Variants in CD55 observed in about 807,000 individuals in gnomAD.
The protein encoded by CD55 is complement decay-accelerating factor.
CD55 carries 41 observed loss-of-function variants against 45.8 expected under a neutral mutation model. That is an observed-to-expected ratio of 0.90 (90% CI 0.70 to 1.16). The LOEUF is 1.16. Among genes scored for constraint, CD55 ranks in the 50% most tolerant of loss-of-function variants. The pLI is 0.00. For synonymous variants in CD55, 181 were observed against 181.1 expected (o/e 1.00, Z 0.01); for missense variants, 416 against 469.8 (o/e 0.89, Z 1.06).
intron 9 of CD55, chr1:207,350,257 T>C (rs972066792): frequency 3.1e-6 from 1 of 326,706 alleles, no homozygotes; most frequent in Non-Finnish European, 6.0e-6. Context: ...CTGGATTTGA[T>C]CTGCTAGTAT....
rs2102372579 is a variant in CD55, at chr1:207,322,405, G to A, written c.124G>A (p.Val42Ile). 1.2e-6 allele frequency: 2 copies of A among 1,614,146 alleles called. No individual in the cohort carries two copies. The highest frequency in any genetic ancestry group is 8.5e-7 in the Non-Finnish European group (1 of 1,179,976). Residue 42 changes from valine to isoleucine, a missense_variant, in exon 2 of 10, where the codon GTA becomes ATA. Physicochemically the swap from Val to Ile is conservative, Grantham distance 29. This residue lies in a region of CD55 where 123 missense variants were observed against 105.1 expected (regional missense o/e 1.17). Transcript: ENST00000367064. ...AGGTGACTGTGGCCTTCCCCCAGAT[G>A]TACCTAATGCCCAGCCAGCTTTGGA... ...VWGDCGLPPD[V>I]PNAQPALEGR...
At position 207,360,805 on chromosome 1, in the gene CD55, A is replaced by G. The variant is rs1656272739; in HGVS notation, c.*1195A>G. ...GTGTTAGACTAGACTAAGATGTACT[A>G]GTTGTATAGAATATAACTAGATTTA... On this transcript the variant is annotated 3_prime_UTR_variant, in exon 10 of 10. Coordinates refer to ENST00000367064, the MANE Select transcript of CD55 (RefSeq NM_000574.5). 6.6e-6 allele frequency: 1 copy of G among 152,196 alleles called. No individual in the cohort carries two copies. Among genetic ancestry groups the G allele is most frequent in the Admixed American group, 6.5e-5 (1 of 15,282 alleles). The allele number at this position is 152,196 out of a possible 1,614,324, so 9.4% of individuals were successfully genotyped here. A position where few individuals can be genotyped will look rare whatever the true frequency, so the allele number is the denominator to read the frequency against.
At chr1:207,352,522 C>T (rs1019116393) in intron 9 of CD55, among the ~76,000 whole-genome samples, 4 of 152,004 alleles carry the variant, frequency 2.6e-5, no homozygotes, top group African/African-American at 4.8e-5. Flanking sequence ...TCAAACCAGT[C>T]GGATGTTGGT....
At chr1:207,336,944 T>C (rs2490257) in intron 7 of CD55, 126 bp downstream of exon 7, 1,032,737 of 1,034,194 alleles carry the variant, frequency 1, 515,655 homozygotes, top group Non-Finnish European at 1. Flanking sequence ...ACCAACACCT[T>C]AGAAACCCAC....
At chr1:207,345,995 G>A (rs777330384) in intron 9 of CD55, among the ~76,000 whole-genome samples, 7 of 152,374 alleles carry the variant, frequency 4.6e-5, no homozygotes, top group Non-Finnish European at 7.3e-5. Flanking sequence ...CCAGGGTGAT[G>A]TTGCTGGCAC....
intron 6 of CD55, among the ~76,000 whole-genome samples, chr1:207,332,934 A>G (rs2102399970): frequency 6.6e-6 from 1 of 152,310 alleles, no homozygotes; most frequent in Admixed American, 6.5e-5. Flanking sequence ...CTAAGGATTC[A>G]CCTTGACCCA....
Position 207,360,481 on chromosome 1 carries a change from T to C in CD55, c.*871T>C, listed in dbSNP as rs1333625588. ...AAAATGTATTTTTCCTAAATAGAAA[T>C]AAATGATCCCATTTTTTGGTATCAT... On this transcript the variant is annotated 3_prime_UTR_variant, in exon 10 of 10. Transcript: ENST00000367064. The C allele has an allele frequency of 6.6e-6, 1 of 152,142 alleles. No homozygotes were observed. Among genetic ancestry groups the C allele is most frequent in the Non-Finnish European group, 1.5e-5 (1 of 67,986 alleles). The allele number at this position is 152,142 out of a possible 1,614,324, so 9.4% of individuals were successfully genotyped here. A position where few individuals can be genotyped will look rare whatever the true frequency, so the allele number is the denominator to read the frequency against.
At chr1:207,327,855 A>G (rs965292552) in intron 5 of CD55, among the ~76,000 whole-genome samples, 2 of 152,196 alleles carry the variant, frequency 1.3e-5, no homozygotes, top group Non-Finnish European at 2.9e-5. Flanking sequence ...TTGAGATGTC[A>G]TACTACTACC....
chr1:207,337,837 G>T (rs1655254222), intron 8 of CD55, among the ~76,000 whole-genome samples: 1 of 152,038 alleles, frequency 6.6e-6, no homozygotes, highest in African/African-American at 2.4e-5. Flanking sequence ...TAGAGTTGCA[G>T]ATCTGCTAAA....
intron 9 of CD55, among the ~76,000 whole-genome samples, chr1:207,345,593 A>G (rs1195766042): frequency 4.6e-5 from 7 of 151,670 alleles, no homozygotes; most frequent in Non-Finnish European, 7.4e-5. Flanking sequence ...TTTGATTGGG[A>G]TCTGTTGCTG....
Position 207,331,230 on chromosome 1 carries a change from C to A in CD55, c.787C>A (p.His263Asn). The A allele has an allele frequency of 6.2e-7, 1 of 1,613,516 alleles. No homozygotes were observed. The highest frequency in any genetic ancestry group is 8.5e-7 in the Non-Finnish European group (1 of 1,179,510). The change falls in exon 6 of 10, where the codon CAC becomes AAC. Residue 263 changes from histidine to asparagine, a missense_variant. Coordinates refer to ENST00000367064, the MANE Select transcript of CD55 (RefSeq NM_000574.5). ...TAAAGGATTCACCATGATTGGAGAG[C>A]ACTCTATTTATTGTACTGTGAATAA... ...CNKGFTMIGE[H>N]SIYCTVNNDE...
chr1:207,357,097 T>G (rs1443870797), intron 9 of CD55, among the ~76,000 whole-genome samples: 1 of 152,222 alleles, frequency 6.6e-6, no homozygotes, highest in Non-Finnish European at 1.5e-5. Context: ...AGAATATTAC[T>G]TAAGCCTATT....
At chr1:207,333,161 C>T (rs1441651924) in intron 6 of CD55, among the ~76,000 whole-genome samples, 1 of 152,210 alleles carries the variant, frequency 6.6e-6, no homozygotes, top group Non-Finnish European at 1.5e-5. Flanking sequence ...ATTTGGATAG[C>T]ATATACCCAC....
chr1:207,326,746 C>T lies in CD55; in HGVS notation c.579-6C>T, dbSNP rs1366958804. 6.2e-7 allele frequency: 1 copy of T among 1,610,402 alleles called. No homozygotes were observed. Among genetic ancestry groups the T allele is most frequent in the Non-Finnish European group, 8.5e-7 (1 of 1,176,968 alleles). On this transcript the variant is annotated splice_polypyrimidine_tract_variant and splice_region_variant and intron_variant, in intron 4 of 9. Coordinates refer to ENST00000367064, the MANE Select transcript of CD55 (RefSeq NM_000574.5). ...CAAACTCTTTTTTCTTCCCCTGTTG[C>T]TTTAGGTACAAATTATTTGGCTCGA...
intron 9 of CD55, among the ~76,000 whole-genome samples, chr1:207,359,229 A>AT (rs1165892796): frequency 6.6e-6 from 1 of 151,868 alleles, no homozygotes; most frequent in African/African-American, 2.4e-5. Context: ...TTATTTTTAT[A>AT]TTTTTTTAAC....
At chr1:207,336,260 C>G (rs1655167199) in intron 6 of CD55, among the ~76,000 whole-genome samples, 1 of 152,102 alleles carries the variant, frequency 6.6e-6, no homozygotes, top group Non-Finnish European at 1.5e-5. Context: ...AAAACAAATT[C>G]TCAGGCTCAT....
chr1:207,322,534 A>C lies in CD55; in HGVS notation c.253A>C (p.Ser85Arg). ...EKDSVICLKGSQWSDIEEFCN... is the reference protein window; with the variant it reads ...EKDSVICLKGRQWSDIEEFCN... ...GGACTCAGTGATCTGCCTTAAGGGC[A>C]GTCAATGGTCAGATATTGAAGAGTT... Residue 85 changes from serine (S) to arginine (R), a missense_variant, in exon 2 of 10, where the codon AGT (serine) becomes CGT (arginine). Transcript: ENST00000367064. 1 of 1,613,718 alleles carries C rather than the reference A, an allele frequency of 6.2e-7. No individual in the cohort carries two copies. The highest frequency in any genetic ancestry group is 8.5e-7 in the Non-Finnish European group (1 of 1,179,848).
chr1:207,322,013 C>T (rs796941250), intron 1 of CD55, 148 bp downstream of exon 1: 5 of 627,382 alleles, frequency 8.0e-6, no homozygotes, highest in African/African-American at 7.4e-5. Flanking sequence ...CTTTAAGGCT[C>T]TCGCCGCTCA....
At position 207,331,216 on chromosome 1, in the gene CD55, C is replaced by G; in HGVS notation, c.773C>G (p.Thr258Ser). ...SVTYACNKGFTMIGEHSIYCT... is the reference protein window; with the variant it reads ...SVTYACNKGFSMIGEHSIYCT... ...ACGTATGCATGTAATAAAGGATTCA[C>G]CATGATTGGAGAGCACTCTATTTAT... The change falls in exon 6 of 10, where the codon ACC becomes AGC. Residue 258 changes from threonine (T) to serine (S), a missense_variant. Physicochemically the swap from Thr to Ser is moderately conservative, Grantham distance 58. Around this residue, in one of 3 missense-constraint regions of CD55, gnomAD observed 182 missense variants for 201.4 expected, o/e 0.90. Transcript: ENST00000367064. 1 of 1,613,546 alleles carries G rather than the reference C, an allele frequency of 6.2e-7. No homozygotes were observed. Among genetic ancestry groups the G allele is most frequent in the Non-Finnish European group, 8.5e-7 (1 of 1,179,612 alleles).
Sources: allele counts gnomAD v4.1 joint callset (sites outside exome capture counted in the v4.1 genomes callset), GRCh38; gene constraint gnomAD v4.1.1; regional missense constraint gnomAD v4.1.1; transcripts MANE v1.5; gene names NCBI Gene and HGNC (gene_info 2026-07-23, HGNC 2026-07-21).